ADPRH: variants seen among roughly 807,000 people sequenced by gnomAD.
ADPRH encodes the protein ADP-ribosylarginine hydrolase.
Under a neutral mutation model 28.8 loss-of-function variants are expected in ADPRH, and 27 were observed. The observed-to-expected ratio is 0.94, with a 90% CI of 0.69 to 1.29. ADPRH has a LOEUF of 1.29. Ranked by LOEUF, ADPRH falls within the 50% of genes most tolerant of loss-of-function variation. The pLI is 0.00. For missense variants in ADPRH, 419 were observed against 444.8 expected, an observed-to-expected ratio of 0.94 and a Z score of 0.52; for synonymous variants, 161 against 166.9, an observed-to-expected ratio of 0.96 and a Z score of 0.27.
chr3:119,585,871 C>T (rs578160204), intron 3 of ADPRH, among the ~76,000 whole-genome samples: 1 of 152,316 alleles, frequency 6.6e-6, no homozygotes, highest in South Asian at 2.1e-4. Flanking sequence ...TCTTATTGGA[C>T]TCCATAAGGA....
At chr3:119,581,155 C>T (rs2082402390) in intron 2 of ADPRH, among the ~76,000 whole-genome samples, 1 of 149,708 alleles carries the variant, frequency 6.7e-6, no homozygotes, top group Non-Finnish European at 1.5e-5. Flanking sequence ...GCAACCTCTG[C>T]CTCCTGGGTT....
chr3:119,580,999 G>A (rs1269203966), intron 2 of ADPRH, among the ~76,000 whole-genome samples: 1 of 151,886 alleles, frequency 6.6e-6, no homozygotes, highest in Non-Finnish European at 1.5e-5. Flanking sequence ...CATTTTCCCT[G>A]GTTGTATATG....
intron 4 of ADPRH, 131 bp downstream of exon 4, chr3:119,586,776 C>T: frequency 7.7e-7 from 1 of 1,306,592 alleles, no homozygotes; most frequent in Non-Finnish European, 1.0e-6. Context: ...CCCTTTCTAC[C>T]CATCTGCTAA....
At position 119,582,260 on chromosome 3, in the gene ADPRH, G is replaced by A. The variant is rs925917049; in HGVS notation, c.91G>A (p.Glu31Lys). 10 of 1,614,136 alleles carry A rather than the reference G, an allele frequency of 6.2e-6. No homozygotes were observed. Among genetic ancestry groups the A allele is most frequent in the Admixed American group, 1.7e-5 (1 of 60,008 alleles). ...NGKWEFLQDGEKIHRQLAQLG... is the reference protein window; with the variant it reads ...NGKWEFLQDGKKIHRQLAQLG... ...GAAGTGGGAGTTCCTCCAGGATGGG[G>A]AGAAGATACACCGGCAGTTGGCCCA... Residue 31 changes from glutamate to lysine, a missense_variant, in exon 3 of 5, where the codon GAG (glutamate) becomes AAG (lysine). Transcript: ENST00000357003.
At chr3:119,580,984 A>G in intron 2 of ADPRH, among the ~76,000 whole-genome samples, 1 of 152,110 alleles carries the variant, frequency 6.6e-6, no homozygotes. Context: ...CTAAAACAGA[A>G]CACCCATTTT....
At chr3:119,585,016 G>A (rs1437123562) in intron 3 of ADPRH, among the ~76,000 whole-genome samples, 1 of 152,084 alleles carries the variant, frequency 6.6e-6, no homozygotes, top group Non-Finnish European at 1.5e-5. Context: ...CTCTTTAAAG[G>A]CCCTATCTCC....
chr3:119,582,072 T>TGGTTTTTTG, intron 2 of ADPRH, 62 bp from the exon 3 acceptor site: 3 of 1,272,032 alleles, frequency 2.4e-6, no homozygotes, highest in Non-Finnish European at 3.3e-6. Context: ...GCTAGAGTCG[T>TGGTTTTTTG]TGTTTTTTCT....
Position 119,586,614 on chromosome 3 carries a change from G to A in ADPRH, c.628G>A (p.Gly210Ser), listed in dbSNP as rs1481472656. 3 of 1,613,902 alleles carry A rather than the reference G, an allele frequency of 1.9e-6. No individual in the cohort carries two copies. The highest frequency in any genetic ancestry group is 2.2e-5 in the South Asian group (2 of 91,046). Residue 210 changes from glycine to serine, a missense_variant, in exon 4 of 5, where the codon GGC becomes AGC. Physicochemically the swap from Gly to Ser is moderately conservative, Grantham distance 56. Coordinates refer to ENST00000357003, the MANE Select transcript of ADPRH (RefSeq NM_001125.4). ...AGCTAAAAAGTACATTGTCCAATCA[G>A]GCTACTTTGTAGAGGAAAATCTTCA... The part of the protein sequence containing the change: ...PEAKKYIVQS[G>S]YFVEENLQHW...
At chr3:119,581,796 A>G (rs1186805714) in intron 2 of ADPRH, among the ~76,000 whole-genome samples, 1 of 152,100 alleles carries the variant, frequency 6.6e-6, no homozygotes, top group Non-Finnish European at 1.5e-5. Flanking sequence ...TGGGCTTACT[A>G]CTCACCAAGA....
At chr3:119,586,067 T>C (rs753692848) in intron 3 of ADPRH, among the ~76,000 whole-genome samples, 10 of 152,256 alleles carry the variant, frequency 6.6e-5, no homozygotes, top group Admixed American at 1.3e-4. Flanking sequence ...GATCCCTATA[T>C]GAGTCTGCTG....
Position 119,582,299 on chromosome 3 carries a change from G to C in ADPRH, c.130G>C (p.Asp44His). ...GCAGTTGGCCCAGCTGGGCGGCTTG[G>C]ATGCCCTAGACGTGGGAAGGTGGAG... ...HRQLAQLGGLDALDVGRWRVS... is the reference protein window; with the variant it reads ...HRQLAQLGGLHALDVGRWRVS... Residue 44 changes from aspartate to histidine, a missense_variant, in exon 3 of 5, where the codon GAT becomes CAT. Transcript: ENST00000357003. 1.9e-6 allele frequency: 3 copies of C among 1,614,226 alleles called. No individual in the cohort carries two copies. The highest frequency in any genetic ancestry group is 2.5e-6 in the Non-Finnish European group (3 of 1,180,052).
At chr3:119,581,177 C>T (rs2082402558) in intron 2 of ADPRH, among the ~76,000 whole-genome samples, 3 of 150,626 alleles carry the variant, frequency 2.0e-5, no homozygotes, top group Non-Finnish European at 4.4e-5. Flanking sequence ...AAGCGATTCT[C>T]CTGCCTCAGC....
chr3:119,586,378 C>T lies in ADPRH; in HGVS notation c.392C>T (p.Ala131Val). 6.2e-7 allele frequency: 1 copy of T among 1,614,242 alleles called. No homozygotes were observed. The highest frequency in any genetic ancestry group is 1.1e-5 in the South Asian group (1 of 91,088). The change falls in exon 4 of 5, where the codon GCT becomes GTT. Residue 131 changes from alanine (A) to valine (V), a missense_variant. Transcript: ENST00000357003. ...AACAGCCATGAGGGCGGCTGTGGGG[C>T]TGCCATGCGGGCCATGTGCATCGGT... ...PFNSHEGGCG[A>V]AMRAMCIGLR... is the part of the protein sequence containing the mutation.
intron 4 of ADPRH, among the ~76,000 whole-genome samples, chr3:119,587,230 C>G (rs1321411823): frequency 2.0e-5 from 3 of 152,188 alleles, no homozygotes; most frequent in Non-Finnish European, 4.4e-5. Flanking sequence ...TGATATGTAT[C>G]TCTTTATTTA....
Position 119,588,072 on chromosome 3 carries a change from A to T in ADPRH, c.*194A>T. ...TTCCAGAATCTATCCCTTTTCTTAC[A>T]CTGAAGAGTCCTTTAGCTCAATTGA... On this transcript the variant is annotated 3_prime_UTR_variant, in exon 5 of 5. Transcript: ENST00000357003. The T allele has an allele frequency of 2.0e-6, 1 of 504,078 alleles. No individual in the cohort carries two copies. Among genetic ancestry groups the T allele is most frequent in the Non-Finnish European group, 3.3e-6 (1 of 302,376 alleles). 31.2% of individuals were successfully genotyped at this position (504,078 alleles called of 1,614,324 possible). A position where few individuals can be genotyped will look rare whatever the true frequency, so the allele number is the denominator to read the frequency against.
intron 3 of ADPRH, among the ~76,000 whole-genome samples, chr3:119,585,548 G>T (rs1018030354): frequency 1.1e-3 from 170 of 152,082 alleles, no homozygotes; most frequent in African/African-American, 3.9e-3. Flanking sequence ...TTTGTTTTTT[G>T]TTTTTTGGTT....
In ADPRH at chr3:119,586,401, G is replaced by A. The variant is rs761010216; in HGVS notation, c.415G>A (p.Gly139Ser). 9.3e-6 allele frequency: 15 copies of A among 1,614,184 alleles called. No homozygotes were observed. The highest frequency in any genetic ancestry group is 1.6e-4 in the Middle Eastern group (1 of 6,062). Residue 139 changes from glycine (G) to serine (S), a missense_variant, in exon 4 of 5, where the codon GGT becomes AGT. Coordinates refer to ENST00000357003, the MANE Select transcript of ADPRH (RefSeq NM_001125.4). The part of the protein sequence containing the change: ...CGAAMRAMCI[G>S]LRFPHHSQLD... The stretch of plus-strand genomic sequence containing the variant: ...GGCTGCCATGCGGGCCATGTGCATC[G>A]GTCTCAGGTTCCCACACCATAGCCA...
In ADPRH at chr3:119,588,642, G is replaced by T. The variant is rs1025358221; in HGVS notation, c.*764G>T. 6.6e-6 allele frequency: 1 copy of T among 152,182 alleles called. No homozygotes were observed. Among genetic ancestry groups the T allele is most frequent in the Non-Finnish European group, 1.5e-5 (1 of 68,048 alleles). 9.4% of individuals were successfully genotyped at this position (152,182 alleles called of 1,614,324 possible). A position where few individuals can be genotyped will look rare whatever the true frequency, so the allele number is the denominator to read the frequency against. ...GGGTCCTAACAATATCTGCTAGGCT[G>T]GTCTACCTCCTAAATATACTCTGAA... On this transcript the variant is annotated 3_prime_UTR_variant, in exon 5 of 5. Transcript: ENST00000357003.
intron 3 of ADPRH, 47 bp downstream of exon 3, chr3:119,582,514 G>A: frequency 6.5e-7 from 1 of 1,540,634 alleles, no homozygotes; most frequent in Non-Finnish European, 8.9e-7. Context: ...GAATAAAACA[G>A]CCTTGAGGAA....
Sources: gnomAD v4.1 joint callset for allele counts (sites outside exome capture counted in the v4.1 genomes callset) on GRCh38, gnomAD v4.1.1 for gene constraint, MANE v1.5 for transcripts, NCBI Gene and HGNC (gene_info 2026-07-23, HGNC 2026-07-21) for gene names.